Variants in ADAMTSL1 observed in about 807,000 individuals in gnomAD.
ADAMTSL1 encodes ADAMTS like 1.
ADAMTSL1 carries 126 observed loss-of-function variants against 201.8 expected under a neutral mutation model. The observed-to-expected ratio is 0.62, with a 90% CI of 0.54 to 0.72. The LOEUF is 0.72. ADAMTSL1 is among the 30% of genes least tolerant of loss of function. ADAMTSL1 has a pLI of 0.00. For missense variants in ADAMTSL1, 2,679 were observed against 2,277.8 expected (o/e 1.18, Z -3.59); for synonymous variants, 1,121 against 903.4 (o/e 1.24, Z -4.32).
intron 4 of ADAMTSL1, among the ~76,000 whole-genome samples, chr9:18,608,953 C>G (rs1825202533): frequency 6.6e-6 from 1 of 152,088 alleles, no homozygotes; most frequent in Non-Finnish European, 1.5e-5. Flanking sequence ...TTGAATATCC[C>G]TTATACTAAG....
intron 1 of ADAMTSL1, among the ~76,000 whole-genome samples, chr9:18,002,061 G>A (rs554253144): frequency 1.3e-4 from 20 of 152,120 alleles, no homozygotes; most frequent in African/African-American, 4.1e-4. Context: ...CTGAAAGGAT[G>A]AAGTCAGTAG....
rs138992834 is a variant in ADAMTSL1, at chr9:17,962,968, G to A, written c.87+56046G>A. 4.7e-3 allele frequency among the ~76,000 whole-genome samples: 720 copies of A among 152,354 alleles called. 4 individuals are homozygous for A. The highest frequency in any genetic ancestry group is 0.016 in the African/African-American group (683 of 41,588). On this transcript the variant is annotated intron_variant, in intron 1 of 29. Transcript: ENST00000680146. ...TTTCTCATGATGTCACCCTGTGTCA[G>A]GGCTTGGGGCCAGGAGATAGGATTC...
chr9:18,576,838 A>G (rs915097279), intron 4 of ADAMTSL1, among the ~76,000 whole-genome samples: 11 of 151,800 alleles, frequency 7.2e-5, no homozygotes, highest in South Asian at 2.1e-4. Flanking sequence ...TTTTTTTTCA[A>G]ATATTTACAG....
chr9:18,511,963 C>G (rs1346866354), intron 2 of ADAMTSL1, among the ~76,000 whole-genome samples: 2 of 152,098 alleles, frequency 1.3e-5, no homozygotes, highest in Admixed American at 6.6e-5. Context: ...CAGGCTTTAT[C>G]TGTTATTCTT....
intron 2 of ADAMTSL1, among the ~76,000 whole-genome samples, chr9:18,186,832 AAC>A (rs35993162): frequency 0.052 from 7,788 of 149,354 alleles, 309 homozygotes; most frequent in African/African-American, 0.12. Flanking sequence ...ATCACTGTAC[AAC>A]ACACACACAC....
At chr9:18,753,251 G>C (rs765352157) in intron 15 of ADAMTSL1, 47 bp from the exon 16 acceptor site, 1 of 1,545,766 alleles carries the variant, frequency 6.5e-7, no homozygotes, top group Non-Finnish European at 8.8e-7. Flanking sequence ...AACATTCTCT[G>C]CACAGGTACT....
At chr9:18,891,135 C>G (rs1294914224) in intron 25 of ADAMTSL1, among the ~76,000 whole-genome samples, 1 of 152,238 alleles carries the variant, frequency 6.6e-6, no homozygotes, top group Non-Finnish European at 1.5e-5. Flanking sequence ...TGCTCCCCTT[C>G]CCTGCTACAT....
At chr9:18,230,306 G>T (rs1830601386) in intron 2 of ADAMTSL1, among the ~76,000 whole-genome samples, 2 of 152,090 alleles carry the variant, frequency 1.3e-5, no homozygotes, top group Admixed American at 6.6e-5. Context: ...GATTCAATAT[G>T]ATACCGGCCT....
At chr9:18,133,222 G>T (rs186702949) in intron 1 of ADAMTSL1, among the ~76,000 whole-genome samples, 1 of 152,224 alleles carries the variant, frequency 6.6e-6, no homozygotes, top group Admixed American at 6.5e-5. Flanking sequence ...TTAGAGTTGG[G>T]ATCAGACTCT....
At chr9:18,446,509 A>G (rs1482699770) in intron 2 of ADAMTSL1, among the ~76,000 whole-genome samples, 1 of 152,270 alleles carries the variant, frequency 6.6e-6, no homozygotes, top group African/African-American at 2.4e-5. Context: ...AATGTCAACC[A>G]GCAAGGATGC....
In ADAMTSL1 at chr9:18,680,577, C is replaced by T. The variant is rs768312050; in HGVS notation, c.1341+61C>T. 5.7e-6 allele frequency: 9 copies of T among 1,573,986 alleles called. No individual in the cohort carries two copies. The South Asian group carries it at 8.9e-5, about 16-fold the overall frequency. On this transcript the variant is annotated intron_variant, in intron 11 of 28. Coordinates refer to ENST00000380548, the MANE Select transcript of ADAMTSL1 (RefSeq NM_001040272.6). ...TAAGTCCACTCTTCCCTCTCATCAT[C>T]ATGGCCCCACCGGGTACCCTGAGCA... is the stretch of plus-strand genomic sequence containing the variant.
At chr9:18,225,117 G>A (rs1003519326) in intron 2 of ADAMTSL1, among the ~76,000 whole-genome samples, 12 of 152,192 alleles carry the variant, frequency 7.9e-5, no homozygotes, top group African/African-American at 2.6e-4. Context: ...AAAGTTAATA[G>A]GCTCTGAAGG....
At chr9:18,186,375 C>A (rs1828734315) in intron 2 of ADAMTSL1, among the ~76,000 whole-genome samples, 1 of 152,148 alleles carries the variant, frequency 6.6e-6, no homozygotes, top group South Asian at 2.1e-4. Flanking sequence ...GTCTTCTCTG[C>A]ATCTCTTGAC....
At chr9:17,933,044 A>C (rs962115981) in intron 1 of ADAMTSL1, among the ~76,000 whole-genome samples, 1 of 152,176 alleles carries the variant, frequency 6.6e-6, no homozygotes, top group African/African-American at 2.4e-5. Context: ...TGCTTAGATT[A>C]AGTTGTATGT....
At position 18,108,728 on chromosome 9, in the gene ADAMTSL1, G is replaced by C. The variant is rs530781141; in HGVS notation, c.88-55134G>C. Among the ~76,000 whole-genome samples the C allele has an allele frequency of 1.7e-3, 260 of 152,128 alleles. 1 individual carries two copies. The highest frequency in any genetic ancestry group is 3.0e-3 in the Non-Finnish European group (201 of 67,992). ...AAGTAAAAATTAGTCAATGTGATGAGTCTTTTAATATCCCTTATCATGGAC... is the reference window on the plus strand; with the variant it reads ...AAGTAAAAATTAGTCAATGTGATGACTCTTTTAATATCCCTTATCATGGAC... On this transcript the variant is annotated intron_variant, in intron 1 of 29. Transcript: ENST00000680146.
At chr9:18,832,231 C>T (rs1219893075) in intron 23 of ADAMTSL1, among the ~76,000 whole-genome samples, 1 of 152,158 alleles carries the variant, frequency 6.6e-6, no homozygotes, top group Non-Finnish European at 1.5e-5. Flanking sequence ...AGTACCTCAT[C>T]CTGGTCTTAG....
chr9:18,817,826 C>G (rs1823958947), intron 21 of ADAMTSL1, among the ~76,000 whole-genome samples: 2 of 152,146 alleles, frequency 1.3e-5, no homozygotes, highest in Admixed American at 6.5e-5. Flanking sequence ...ACTGGATGGA[C>G]ATGAGAAAGA....
intron 2 of ADAMTSL1, among the ~76,000 whole-genome samples, chr9:18,245,417 T>G (rs186490673): frequency 6.6e-6 from 1 of 152,332 alleles, no homozygotes; most frequent in Admixed American, 6.5e-5. Flanking sequence ...ACTAGTCGTA[T>G]TTCAAGTGCT....
At chr9:18,688,689 A>AATATATATATATATATATATAT (rs1554730405) in intron 13 of ADAMTSL1, among the ~76,000 whole-genome samples, 41 of 8,622 alleles carry the variant, frequency 4.8e-3, no homozygotes, top group South Asian at 6.6e-3. Flanking sequence ...AAAAAAAAAA[A>AATATATATATATATATATATAT]ATATATATAT....
Sources: gnomAD v4.1 joint callset for allele counts (sites outside exome capture counted in the v4.1 genomes callset) on GRCh38, gnomAD v4.1.1 for gene constraint, MANE v1.5 for transcripts, NCBI Gene and HGNC (gene_info 2026-07-23, HGNC 2026-07-21) for gene names.